Variants in MTRR observed in about 807,000 individuals in gnomAD.
MTRR encodes 5-methyltetrahydrofolate-homocysteine methyltransferase reductase, also known as methionine synthase reductase.
Under a neutral mutation model 79.2 loss-of-function variants are expected in MTRR, and 63 were observed. That is an observed-to-expected ratio of 0.80 (90% CI 0.65 to 0.98). MTRR has a LOEUF of 0.98. MTRR is among the 50% of genes least tolerant of loss of function. MTRR has a pLI of 0.00. For missense variants in MTRR, 895 were observed against 839.6 expected (o/e 1.07, Z -0.82); for synonymous variants, 355 against 313.3 (o/e 1.13, Z -1.41).
chr5:7,883,814 G>A (rs1423544100), intron 6 of MTRR, among the ~76,000 whole-genome samples: 1 of 152,168 alleles, frequency 6.6e-6, no homozygotes, highest in Non-Finnish European at 1.5e-5. Flanking sequence ...AATGGGATCA[G>A]AACAGCATTT....
At chr5:7,867,750 A>G, upstream of MTRR, 1 of 1,614,162 alleles carries the variant, frequency 6.2e-7, no homozygotes, top group Non-Finnish European at 8.5e-7. Context: ...ACTTCTTCTG[A>G]TGAAGTCAAG....
At chr5:7,896,786 G>A (rs1738593378) in intron 12 of MTRR, 78 bp from the exon 13 acceptor site, 16 of 1,094,816 alleles carry the variant, frequency 1.5e-5, no homozygotes, top group Non-Finnish European at 2.1e-5. Context: ...GAGTTTGTTG[G>A]TGGTAGTTCC....
chr5:7,867,580 C>G (rs141133887), upstream of MTRR: 1 of 1,614,254 alleles, frequency 6.2e-7, no homozygotes, highest in Admixed American at 1.7e-5. Flanking sequence ...GTGAGGGCTC[C>G]TTTTCAAACT....
intron 4 of MTRR, among the ~76,000 whole-genome samples, chr5:7,877,339 T>C (rs1321078263): frequency 6.6e-6 from 1 of 152,150 alleles, no homozygotes; most frequent in Non-Finnish European, 1.5e-5. Flanking sequence ...GTTGCTTTTT[T>C]TTTCTCCTGT....
At chr5:7,856,588 CG>C (rs1183009605) in intron 1 of MTRR, among the ~76,000 whole-genome samples, 1 of 151,850 alleles carries the variant, frequency 6.6e-6, no homozygotes, top group Non-Finnish European at 1.5e-5. Context: ...GCTTACAAGA[CG>C]TGTCTCATTT....
chr5:7,877,231 T>A (rs1488119466), intron 4 of MTRR, among the ~76,000 whole-genome samples: 1 of 152,220 alleles, frequency 6.6e-6, no homozygotes, highest in Non-Finnish European at 1.5e-5. Context: ...AACTTCTCTG[T>A]TCAGGGAATG....
At chr5:7,874,888 C>T (rs1412971553) in intron 3 of MTRR, among the ~76,000 whole-genome samples, 5 of 152,164 alleles carry the variant, frequency 3.3e-5, no homozygotes, top group Non-Finnish European at 4.4e-5. Flanking sequence ...CTATGGTTGG[C>T]TGACCCCTGC....
intron 3 of MTRR, among the ~76,000 whole-genome samples, chr5:7,874,548 GA>G (rs1283993786): frequency 7.1e-6 from 1 of 141,556 alleles, no homozygotes; most frequent in African/African-American, 2.6e-5. Context: ...CTTTTGTAGA[GA>G]AAGAACATGG....
chr5:7,895,290 G>A (rs954078711), intron 11 of MTRR, among the ~76,000 whole-genome samples: 12 of 152,192 alleles, frequency 7.9e-5, no homozygotes, highest in Admixed American at 3.9e-4. Flanking sequence ...TGGAATATTT[G>A]GAGCAGCCCC....
At chr5:7,851,031 G>A, upstream of MTRR, 1 of 1,244,920 alleles carries the variant, frequency 8.0e-7, no homozygotes, top group Non-Finnish European at 1.0e-6. Flanking sequence ...TGCCGCCACC[G>A]TCCAGCGCCC....
At chr5:7,881,016 A>G (rs1237435117) in intron 5 of MTRR, among the ~76,000 whole-genome samples, 1 of 152,038 alleles carries the variant, frequency 6.6e-6, no homozygotes, top group Non-Finnish European at 1.5e-5. Flanking sequence ...CCTCCTAGGG[A>G]CCTCTTCTCT....
chr5:7,859,364 A>G (rs1201487340), intron 1 of MTRR: 12 of 906,418 alleles, frequency 1.3e-5, no homozygotes, highest in Non-Finnish European at 1.9e-5. Flanking sequence ...AATTCACATT[A>G]TATTTTTCTT....
chr5:7,867,381 T>A (rs1438743022), upstream of MTRR: 2 of 1,614,208 alleles, frequency 1.2e-6, no homozygotes, highest in South Asian at 2.2e-5. Flanking sequence ...AGTTCTAGTG[T>A]CACACAACCT....
chr5:7,855,420 G>GA (rs5865737), intron 1 of MTRR, among the ~76,000 whole-genome samples: 142,531 of 145,314 alleles, frequency 0.98, 69,911 homozygotes, highest in South Asian at 1. Context: ...CATTCCAGTG[G>GA]AAAAAAAAAA....
At chr5:7,885,917 G>A (rs1203750077) in intron 7 of MTRR, 63 bp downstream of exon 7, 1 of 1,606,926 alleles carries the variant, frequency 6.2e-7, no homozygotes, top group East Asian at 2.2e-5. Context: ...CTGATGGTGA[G>A]AGTGTGGCTC....
At chr5:7,865,848 G>T, upstream of MTRR, 1 of 1,397,966 alleles carries the variant, frequency 7.2e-7, no homozygotes, top group Non-Finnish European at 1.0e-6. Context: ...GAACTTAAAA[G>T]GAAACTGCAC....
intron 5 of MTRR, among the ~76,000 whole-genome samples, chr5:7,882,840 A>G (rs1735785789): frequency 6.6e-6 from 1 of 152,130 alleles, no homozygotes; most frequent in Non-Finnish European, 1.5e-5. Flanking sequence ...TTCCTGAAAC[A>G]TTTGCAGACA....
At chr5:7,861,461 G>T in intron 1 of MTRR, 1 of 706,718 alleles carries the variant, frequency 1.4e-6, no homozygotes, top group South Asian at 3.4e-5. Context: ...ATGGTATTCT[G>T]AAATGTAGTA....
At chr5:7,862,495 G>A (rs971272405) in intron 2 of MTRR, among the ~76,000 whole-genome samples, 2 of 152,158 alleles carry the variant, frequency 1.3e-5, no homozygotes, top group Non-Finnish European at 2.9e-5. Context: ...CAATTAGTGA[G>A]CATTTCCTAC....
Sources: allele counts gnomAD v4.1 joint callset (sites outside exome capture counted in the v4.1 genomes callset), GRCh38; gene constraint gnomAD v4.1.1; transcripts MANE v1.5; gene names NCBI Gene and HGNC (gene_info 2026-07-23, HGNC 2026-07-21).